Variants in MACROH2A2 observed in about 807,000 individuals in gnomAD.
MACROH2A2 encodes the protein core histone macro-H2A.2.
Under a neutral mutation model 37.6 loss-of-function variants are expected in MACROH2A2, and 6 were observed. The ratio of observed to expected loss-of-function variants is 0.16; its 90% CI spans 0.09 to 0.32. The LOEUF is 0.32. Ranked by LOEUF, MACROH2A2 falls within the 10% of genes least tolerant of loss-of-function variation. The pLI, the probability that MACROH2A2 is intolerant of heterozygous loss-of-function variation, is 1.00. For missense variants in MACROH2A2, 290 were observed against 485.9 expected, an observed-to-expected ratio of 0.60 and a Z score of 3.79; for synonymous variants, 192 against 202.7, an observed-to-expected ratio of 0.95 and a Z score of 0.45.
chr10:70,086,639 G>T (rs1307725567), intron 2 of MACROH2A2, among the ~76,000 whole-genome samples: 1 of 152,194 alleles, frequency 6.6e-6, no homozygotes, highest in Non-Finnish European at 1.5e-5. Context: ...CTTGGGGAGG[G>T]CGCTTAATTT....
intron 6 of MACROH2A2, 42 bp downstream of exon 6, chr10:70,095,795 C>A: frequency 1.1e-6 from 1 of 938,596 alleles, no homozygotes; most frequent in Non-Finnish European, 1.8e-6. Context: ...TAGAATAGGC[C>A]ACTGTTCAGG....
chr10:70,101,497 G>A (rs1340774557), intron 7 of MACROH2A2, among the ~76,000 whole-genome samples: 1 of 152,220 alleles, frequency 6.6e-6, no homozygotes, highest in African/African-American at 2.4e-5. Context: ...CTTTGGCACA[G>A]AGCTTGGTGT....
intron 6 of MACROH2A2, among the ~76,000 whole-genome samples, chr10:70,096,025 A>AG (rs1441940958): frequency 6.6e-6 from 1 of 152,222 alleles, no homozygotes; most frequent in Non-Finnish European, 1.5e-5. Flanking sequence ...CCACTTTGCA[A>AG]CCAGCACCAA....
intron 2 of MACROH2A2, among the ~76,000 whole-genome samples, chr10:70,080,905 A>G (rs1364312642): frequency 6.7e-6 from 1 of 148,550 alleles, no homozygotes; most frequent in East Asian, 2.0e-4. Context: ...AAAAAAAAAA[A>G]AAAAAAAACC....
In MACROH2A2 at chr10:70,075,843, C is replaced by T. The variant is rs1026932647; in HGVS notation, c.172+13C>T. ...GAGTACCTGGCAGGTAATGAGGACA[C>T]GCAAAGGAGGCTGCCTGCTCCCAGG... On this transcript the variant is annotated intron_variant, in intron 2 of 8. Transcript: ENST00000373255. The surrounding 1 kb of genome is among the most constrained non-coding windows in gnomAD (Gnocchi z 5.0). 2.3e-5 allele frequency: 37 copies of T among 1,608,018 alleles called. 1 individual carries two copies. Among genetic ancestry groups the T allele is most frequent in the South Asian group, 6.6e-5 (6 of 90,486 alleles).
chr10:70,094,207 C>T (rs2072262129), intron 5 of MACROH2A2, among the ~76,000 whole-genome samples: 1 of 151,804 alleles, frequency 6.6e-6, no homozygotes, highest in Non-Finnish European at 1.5e-5. Flanking sequence ...TCTGAGAGGC[C>T]CATCTTACAT....
Position 70,103,657 on chromosome 10 carries a change from C to T in MACROH2A2, c.778+3360C>T, listed in dbSNP as rs767789076. On this transcript the variant is annotated intron_variant, in intron 7 of 8. Transcript: ENST00000373255. ...AAATACATGAAAATAAATCCAAAAC[C>T]TGGAGTGTTGTGGTAAAGCCTTAGA... is the stretch of plus-strand genomic sequence containing the variant. 7.2e-5 allele frequency among the ~76,000 whole-genome samples: 11 copies of T among 152,196 alleles called. No homozygotes were observed. In the East Asian group the frequency reaches 1.9e-3, roughly 27 times the overall value.
intron 1 of MACROH2A2, among the ~76,000 whole-genome samples, chr10:70,054,656 C>A (rs1410263588): frequency 6.6e-6 from 1 of 152,184 alleles, no homozygotes; most frequent in Non-Finnish European, 1.5e-5. Context: ...ACACATAATT[C>A]TCAATCCGTT....
At chr10:70,057,080 A>T (rs1263490542) in intron 1 of MACROH2A2, among the ~76,000 whole-genome samples, 1 of 152,188 alleles carries the variant, frequency 6.6e-6, no homozygotes, top group Non-Finnish European at 1.5e-5. Flanking sequence ...CCAAAAAATC[A>T]CAAAAGAGAC....
At chr10:70,097,771 C>A (rs1313535293) in intron 6 of MACROH2A2, among the ~76,000 whole-genome samples, 2 of 152,132 alleles carry the variant, frequency 1.3e-5, no homozygotes, top group African/African-American at 4.8e-5. Context: ...CAACAAATTA[C>A]CAGTGTTCCA....
At chr10:70,069,847 A>T (rs979170705) in intron 1 of MACROH2A2, among the ~76,000 whole-genome samples, 8 of 151,950 alleles carry the variant, frequency 5.3e-5, no homozygotes, top group Non-Finnish European at 1.2e-4. Flanking sequence ...ACTTCCCAAG[A>T]CGGAATAGAG....
chr10:70,066,076 T>C (rs935773361), intron 1 of MACROH2A2, among the ~76,000 whole-genome samples: 7 of 152,086 alleles, frequency 4.6e-5, no homozygotes, highest in South Asian at 2.1e-4. Context: ...GAGGCTGAGA[T>C]GGGAGGATCA....
intron 5 of MACROH2A2, among the ~76,000 whole-genome samples, chr10:70,094,897 T>C (rs16927286): frequency 0.062 from 9,372 of 152,264 alleles, 426 homozygotes; most frequent in East Asian, 0.22. Flanking sequence ...AGCAAGGTTA[T>C]TGGCTTCAGA....
intron 1 of MACROH2A2, among the ~76,000 whole-genome samples, chr10:70,063,417 C>A (rs970151679): frequency 6.6e-6 from 1 of 152,164 alleles, no homozygotes; most frequent in Non-Finnish European, 1.5e-5. Context: ...TACAGACACA[C>A]TGAGTTTGAT....
At chr10:70,082,472 CAG>C (rs2072185152) in intron 2 of MACROH2A2, among the ~76,000 whole-genome samples, 2 of 151,192 alleles carry the variant, frequency 1.3e-5, no homozygotes, top group Non-Finnish European at 2.9e-5. Context: ...AGGACGCAAA[CAG>C]ATATTTGTGC....
chr10:70,111,483 A>G (rs2072374273), intron 8 of MACROH2A2, 35 bp from the exon 9 acceptor site: 4 of 1,601,700 alleles, frequency 2.5e-6, no homozygotes, highest in Non-Finnish European at 3.4e-6. Context: ...CCCAGGGACC[A>G]AAATGACATC....
At chr10:70,056,546 C>T (rs939857698) in intron 1 of MACROH2A2, among the ~76,000 whole-genome samples, 2 of 152,140 alleles carry the variant, frequency 1.3e-5, no homozygotes, top group Non-Finnish European at 2.9e-5. Context: ...ATAATTAATA[C>T]ATAACGATAT....
intron 7 of MACROH2A2, among the ~76,000 whole-genome samples, 160 bp from the exon 8 acceptor site, chr10:70,108,873 C>T (rs1158496218): frequency 6.6e-6 from 1 of 152,204 alleles, no homozygotes; most frequent in Non-Finnish European, 1.5e-5. Flanking sequence ...CCAGCTCTTG[C>T]TCTCGTTAAA....
chr10:70,105,335 C>A (rs1369700066), intron 7 of MACROH2A2, among the ~76,000 whole-genome samples: 1 of 152,148 alleles, frequency 6.6e-6, no homozygotes, highest in African/African-American at 2.4e-5. Flanking sequence ...CAGGCGGGGA[C>A]CCCAGGGTAA....
Sources: gnomAD v4.1 joint callset for allele counts (sites outside exome capture counted in the v4.1 genomes callset) on GRCh38, gnomAD v4.1.1 for gene constraint, Gnocchi (gnomAD v3.1) non-coding constraint, MANE v1.5 for transcripts, NCBI Gene and HGNC (gene_info 2026-07-23, HGNC 2026-07-21) for gene names.